Variants in CYRIB observed in about 807,000 individuals in gnomAD.
The protein encoded by CYRIB is CYFIP-related Rac1 interactor B.
In CYRIB, 8 loss-of-function variants were observed where a neutral mutation model predicts 44.2. That is an observed-to-expected ratio of 0.18 (90% CI 0.11 to 0.33). The LOEUF (loss-of-function observed/expected upper bound fraction) is 0.33. CYRIB is among the 10% of genes least tolerant of loss of function. The pLI, the probability that CYRIB is intolerant of heterozygous loss-of-function variation, is 1.00. For missense variants in CYRIB, 185 were observed against 382.8 expected (o/e 0.48, Z 4.31); for synonymous variants, 131 against 127.2 (o/e 1.03, Z -0.20).
chr8:129,961,530 T>C (rs539965685), intron 2 of CYRIB, among the ~76,000 whole-genome samples: 96 of 152,346 alleles, frequency 6.3e-4, no homozygotes, highest in African/African-American at 2.2e-3. Context: ...GCAACTCCCA[T>C]TATCATAGAT....
At chr8:129,987,907 C>T (rs1158243683) in intron 1 of CYRIB, among the ~76,000 whole-genome samples, 1 of 152,190 alleles carries the variant, frequency 6.6e-6, no homozygotes, top group East Asian at 1.9e-4. Flanking sequence ...CCGCTGGCTC[C>T]CACGGCCTAC....
At chr8:129,958,065 G>A (rs540672954) in intron 2 of CYRIB, among the ~76,000 whole-genome samples, 24 of 152,272 alleles carry the variant, frequency 1.6e-4, no homozygotes, top group African/African-American at 4.3e-4. Flanking sequence ...GCTGAGGAAT[G>A]AGAATCGCTT....
exon 12 of CYRIB, chr8:129,840,723 T>C (rs2035919339): frequency 1.3e-5 from 2 of 152,182 alleles, no homozygotes; most frequent in Admixed American, 1.3e-4. Context: ...TGACATCACA[T>C]GGAACAATTT....
chr8:130,006,607 C>CACACACATATATATATATAT (rs1359122569), intron 1 of CYRIB, among the ~76,000 whole-genome samples: 1 of 7,136 alleles, frequency 1.4e-4, no homozygotes, highest in African/African-American at 4.1e-4. Flanking sequence ...TATATATATA[C>CACACACATATATATATATAT]ATATATATGT....
At chr8:129,872,743 A>G (rs190847041) in intron 3 of CYRIB, among the ~76,000 whole-genome samples, 3 of 152,178 alleles carry the variant, frequency 2.0e-5, no homozygotes, top group Admixed American at 6.5e-5. Flanking sequence ...TTTTAATACT[A>G]TCACACTGGT....
intron 4 of CYRIB, among the ~76,000 whole-genome samples, chr8:129,868,059 AGTT>A (rs963050027): frequency 1.1e-4 from 16 of 152,214 alleles, no homozygotes; most frequent in African/African-American, 3.9e-4. Flanking sequence ...TAGGTAGAAT[AGTT>A]GGCTGCTCTA....
At chr8:129,871,538 A>G in intron 3 of CYRIB, 42 bp from the exon 6 acceptor site, 1 of 1,596,688 alleles carries the variant, frequency 6.3e-7, no homozygotes, top group Non-Finnish European at 8.5e-7. Context: ...AGTGACATGA[A>G]TTTTTTAAAA....
At chr8:129,906,425 T>A (rs2075417787) in intron 1 of CYRIB, among the ~76,000 whole-genome samples, 1 of 152,172 alleles carries the variant, frequency 6.6e-6, no homozygotes, top group Non-Finnish European at 1.5e-5. Flanking sequence ...CTGGATCCCT[T>A]CCTTACACCT....
rs552696215 is a variant in CYRIB, at chr8:129,910,850, T to C, written c.-49-7500A>G. 2.6e-5 allele frequency among the ~76,000 whole-genome samples: 4 copies of C among 152,278 alleles called. No homozygotes were observed. The South Asian group carries it at 8.3e-4, about 32-fold the overall frequency. Reference sequence around the variant, plus strand: ...CTCTGTCGCCCAGGCTGGAATGCAGTTGTACAATCATAGCTCACTGTAACC... The same window carrying C: ...CTCTGTCGCCCAGGCTGGAATGCAGCTGTACAATCATAGCTCACTGTAACC... On this transcript the variant is annotated intron_variant, in intron 1 of 11. Coordinates refer to ENST00000519824, the Ensembl canonical transcript of CYRIB.
intron 1 of CYRIB, among the ~76,000 whole-genome samples, chr8:129,904,875 A>G (rs776023442): frequency 6.6e-6 from 1 of 152,206 alleles, no homozygotes; most frequent in Admixed American, 6.5e-5. Flanking sequence ...AAAAATGCAT[A>G]TGGAGTTGGC....
chr8:130,011,167 C>T (rs921255049), intron 1 of CYRIB, among the ~76,000 whole-genome samples: 3 of 152,130 alleles, frequency 2.0e-5, no homozygotes, highest in Admixed American at 2.0e-4. Flanking sequence ...CGGGGGGACT[C>T]CTGGCACACA....
chr8:129,841,769 T>C lies in CYRIB; in HGVS notation c.*373A>G, dbSNP rs1444040590. The C allele has an allele frequency of 1.8e-5, 3 of 167,494 alleles. No individual in the cohort carries two copies. The East Asian group carries it at 4.8e-4, about 27-fold the overall frequency. 10.4% of individuals were successfully genotyped at this position (167,494 alleles called of 1,614,324 possible). On this transcript the variant is annotated 3_prime_UTR_variant, in exon 12 of 12. Transcript: ENST00000519824. ...AGTAGAAAATAAAGTCATTGAGGGT[T>C]TTTAAATAGCAGAATAGGCAGTTTT...
chr8:129,881,101 C>T (rs1206772409), intron 2 of CYRIB, among the ~76,000 whole-genome samples: 2 of 150,810 alleles, frequency 1.3e-5, no homozygotes, highest in Non-Finnish European at 2.9e-5. Context: ...AAACAGGGAG[C>T]CAGCAATTAT....
At chr8:130,008,937 T>C (rs1186002439) in intron 1 of CYRIB, among the ~76,000 whole-genome samples, 1 of 152,202 alleles carries the variant, frequency 6.6e-6, no homozygotes, top group Non-Finnish European at 1.5e-5. Context: ...TTAGTCTACA[T>C]GTTCCTCTCC....
intron 1 of CYRIB, among the ~76,000 whole-genome samples, chr8:129,917,333 A>G (rs2081257556): frequency 6.6e-6 from 1 of 152,196 alleles, no homozygotes; most frequent in East Asian, 1.9e-4. Flanking sequence ...CCACTGAACT[A>G]GCAGTTCAAG....
rs538348793 is a variant in CYRIB, at chr8:129,885,078, A to G, written c.-10-5607T>C. Among the ~76,000 whole-genome samples the G allele has an allele frequency of 4.6e-4, 70 of 152,330 alleles. No homozygotes were observed. The South Asian group carries it at 0.01, about 22-fold the overall frequency. ...AACTATACCCTACAATTACTATAAT[A>G]TTTCCTCTATCTTTCTAGAAGCTTC... On this transcript the variant is annotated intron_variant, in intron 2 of 11. Transcript: ENST00000519824.
intron 1 of CYRIB, among the ~76,000 whole-genome samples, chr8:129,987,591 A>C (rs1490395054): frequency 8.1e-6 from 1 of 124,108 alleles, no homozygotes; most frequent in Admixed American, 9.1e-5. Context: ...TTTTTATGAG[A>C]CTGAGTCTCG....
intron 5 of CYRIB, among the ~76,000 whole-genome samples, chr8:129,856,167 C>T (rs2046124859): frequency 6.6e-6 from 1 of 152,144 alleles, no homozygotes; most frequent in South Asian, 2.1e-4. Flanking sequence ...TCTGTATATG[C>T]CTATGAATCA....
intron 1 of CYRIB, among the ~76,000 whole-genome samples, chr8:130,007,025 T>C (rs2097117454): frequency 6.6e-6 from 1 of 152,028 alleles, no homozygotes; most frequent in African/African-American, 2.4e-5. Flanking sequence ...ACCAAATGCA[T>C]CAAGAGGTAG....
Sources: allele counts gnomAD v4.1 joint callset (sites outside exome capture counted in the v4.1 genomes callset), GRCh38; gene constraint gnomAD v4.1.1; transcripts MANE v1.5; gene names NCBI Gene and HGNC (gene_info 2026-07-23, HGNC 2026-07-21).